Variants in UBR2 observed in about 807,000 individuals in gnomAD.
The protein encoded by UBR2 is E3 ubiquitin-protein ligase UBR2.
UBR2 carries 92 observed loss-of-function variants against 247.9 expected under a neutral mutation model. The observed-to-expected ratio is 0.37, with a 90% CI of 0.31 to 0.44. The LOEUF (loss-of-function observed/expected upper bound fraction) is 0.44, where lower values mean the gene tolerates loss of function less well. Among genes scored for constraint, UBR2 ranks in the 20% least tolerant of loss-of-function variants. UBR2 has a pLI of 1.00. For missense variants in UBR2, 1,613 were observed against 2,112.6 expected (o/e 0.76, Z 4.64); for synonymous variants, 672 against 693.5 (o/e 0.97, Z 0.49).
intron 43 of UBR2, among the ~76,000 whole-genome samples, chr6:42,684,196 C>T (rs2151994144): frequency 1.3e-5 from 2 of 152,312 alleles, no homozygotes; most frequent in South Asian, 4.1e-4. Context: ...ACTCAGGCCA[C>T]TACCTACTGA....
At position 42,659,555 on chromosome 6, in the gene UBR2, A is replaced by ACT. The variant is rs1797675343; in HGVS notation, c.3243-100_3243-99insTC. ...CACACACACACACACACACACACAC[A>ACT]CACACACTACACACACACACACATA... On this transcript the variant is annotated intron_variant, in intron 29 of 46. Transcript: ENST00000372901. This position sits in a 1 kb window ranked among gnomAD's most constrained non-coding sequence, Gnocchi z 4.3. 1.2e-6 allele frequency: 1 copy of ACT among 803,656 alleles called. No homozygotes were observed. Among genetic ancestry groups the ACT allele is most frequent in the East Asian group, 2.7e-5 (1 of 36,710 alleles). The allele number at this position is 803,656 out of a possible 1,614,324, so 49.8% of individuals were successfully genotyped here.
chr6:42,570,984 C>T (rs1335747483), intron 1 of UBR2, among the ~76,000 whole-genome samples: 2 of 151,338 alleles, frequency 1.3e-5, no homozygotes, highest in East Asian at 1.9e-4. Context: ...AGAGCCTGGC[C>T]GATTTTTTTT....
At chr6:42,615,849 A>G (rs1448371551) in intron 9 of UBR2, among the ~76,000 whole-genome samples, 153 bp from the exon 10 acceptor site, 2 of 151,758 alleles carry the variant, frequency 1.3e-5, no homozygotes, top group East Asian at 1.9e-4. Context: ...GCGTGAGCCC[A>G]GGAGTTAAGA....
intron 1 of UBR2, among the ~76,000 whole-genome samples, chr6:42,566,334 C>CT (rs1790775832): frequency 6.6e-6 from 1 of 152,132 alleles, no homozygotes; most frequent in South Asian, 2.1e-4. Context: ...TTAATTTGGA[C>CT]TTCATTTGAG....
Position 42,683,078 on chromosome 6 carries a change from A to G in UBR2, c.4742A>G (p.Lys1581Arg), listed in dbSNP as rs763629106. ...AGTTGGTGCCGTAACAGTGAAGTTA[A>G]AAGATATCTAGAAGGTGAAAGAGAT... ...IESWCRNSEV[K>R]RYLEGERDAI... The change falls in exon 43 of 47, where the codon AAA (lysine) becomes AGA (arginine). Residue 1581 changes from lysine (K) to arginine (R), a missense_variant. This residue lies in a region of UBR2 where 1,524 missense variants were observed against 1,967.3 expected (regional missense o/e 0.77). Coordinates refer to ENST00000372901, the MANE Select transcript of UBR2 (RefSeq NM_001363705.2). 1 of 1,612,858 alleles carries G rather than the reference A, an allele frequency of 6.2e-7. No homozygotes were observed. The highest frequency in any genetic ancestry group is 1.1e-5 in the South Asian group (1 of 90,942).
chr6:42,575,123 A>T (rs932154047), intron 2 of UBR2, among the ~76,000 whole-genome samples: 3 of 152,216 alleles, frequency 2.0e-5, no homozygotes, highest in African/African-American at 7.2e-5. Flanking sequence ...ATTTAACCAT[A>T]GCTTAACATC....
chr6:42,673,838 A>G lies in UBR2; in HGVS notation c.4134A>G (p.Thr1378=), dbSNP rs759467267. 21 of 1,614,036 alleles carry G rather than the reference A, an allele frequency of 1.3e-5. No individual in the cohort carries two copies. The highest frequency in any genetic ancestry group is 1.8e-5 in the Non-Finnish European group (21 of 1,180,012). Residue 1378 remains threonine (T), a synonymous_variant, in exon 37 of 47, where the codon ACA becomes ACG. Transcript: ENST00000372901. ...CGAGATTTGCCGCAGCACACTGGAC[A>G]GTGGCATCAGTTTCAGTGGTGCAAG... The part of the protein sequence containing the change: ...SLTRFAAAHW[T]VASVSVVQGH...
intron 25 of UBR2, among the ~76,000 whole-genome samples, chr6:42,653,606 C>CTTTT (rs72460060): frequency 9.9e-5 from 5 of 50,616 alleles, no homozygotes; most frequent in African/African-American, 2.7e-4. Context: ...ATGCTAAGCC[C>CTTTT]TTTTTTTTTT....
intron 42 of UBR2, among the ~76,000 whole-genome samples, chr6:42,682,527 C>A (rs1799118129): frequency 6.6e-6 from 1 of 152,046 alleles, no homozygotes; most frequent in South Asian, 2.1e-4. Context: ...TCAAGCACTC[C>A]TCCTGCCTCA....
At position 42,665,425 on chromosome 6, in the gene UBR2, G is replaced by T; in HGVS notation, c.3715G>T (p.Asp1239Tyr). Residue 1239 changes from aspartate (D) to tyrosine (Y), a missense_variant, in exon 33 of 47, where the codon GAC (aspartate) becomes TAC (tyrosine). Physicochemically the swap from Asp to Tyr is radical, Grantham distance 160 (BLOSUM62 -3). Coordinates refer to ENST00000372901, the MANE Select transcript of UBR2 (RefSeq NM_001363705.2). ...CTTTTCTAGCAGGTTAAATTTTTCA[G>T]ACCAACCAAATCTGACTCAGTGGAT... ...NIFNNRLNFS[D>Y]QPNLTQWIRT... The T allele has an allele frequency of 6.2e-7, 1 of 1,612,002 alleles. No individual in the cohort carries two copies. Among genetic ancestry groups the T allele is most frequent in the South Asian group, 1.1e-5 (1 of 90,662 alleles).
At chr6:42,686,431 G>T (rs1357156707) in intron 44 of UBR2, among the ~76,000 whole-genome samples, 5 of 151,674 alleles carry the variant, frequency 3.3e-5, no homozygotes, top group African/African-American at 4.8e-5. Context: ...CAAGGCAGAA[G>T]AATTTTTCTT....
At chr6:42,640,351 G>C (rs1774249264) in intron 16 of UBR2, 81 bp downstream of exon 16, 1 of 1,256,056 alleles carries the variant, frequency 8.0e-7, no homozygotes, top group Admixed American at 2.2e-5. Context: ...CACATTTTTA[G>C]TTTGGGTTCT....
intron 17 of UBR2, 123 bp downstream of exon 17, chr6:42,641,815 T>C (rs2151958537): frequency 1.5e-6 from 1 of 668,004 alleles, no homozygotes; most frequent in East Asian, 3.3e-5. Flanking sequence ...TTGAAAAGAT[T>C]AATGATAAAA....
rs1219290729 is a variant in UBR2 at position 42,619,441 on chromosome 6, A to ATTTT, written c.1281+1935_1281+1936insTTTT. On this transcript the variant is annotated intron_variant, in intron 11 of 46. Coordinates refer to ENST00000372901, the MANE Select transcript of UBR2 (RefSeq NM_001363705.2). The stretch of plus-strand genomic sequence containing the variant: ...TATATATATATATATATATATATAT[A>ATTTT]TATATATATATATTTTTTTTTTTTA... 125 of 26,638 alleles carry ATTTT rather than the reference A, an allele frequency of 4.7e-3. 10 individuals carry two copies. Among genetic ancestry groups the ATTTT allele is most frequent in the African/African-American group, 0.014 (113 of 8,160 alleles). The allele number at this position is 26,638 out of a possible 1,614,324, so 1.7% of individuals were successfully genotyped here.
chr6:42,632,456 A>T, intron 11 of UBR2, 96 bp from the exon 12 acceptor site: 2 of 1,136,342 alleles, frequency 1.8e-6, no homozygotes, highest in Non-Finnish European at 2.4e-6. Flanking sequence ...AAAAAGGTTT[A>T]AACTGAAGGA....
intron 1 of UBR2, among the ~76,000 whole-genome samples, chr6:42,569,427 A>T (rs886531334): frequency 6.6e-6 from 1 of 152,118 alleles, no homozygotes; most frequent in African/African-American, 2.4e-5. Flanking sequence ...ACATCTTTTT[A>T]TGAGCTTATT....
In UBR2 at chr6:42,658,766, G is replaced by C; in HGVS notation, c.3184G>C (p.Glu1062Gln). The change falls in exon 29 of 47, where the codon GAA (glutamate) becomes CAA (glutamine). Residue 1062 changes from glutamate to glutamine, a missense_variant. Transcript: ENST00000372901. ...MQRHFIDENK[E>Q]LFQQTLELDA... ...GCGGCATTTTATTGATGAAAACAAA[G>C]AACTCTTTCAGCAGACATTAGAACT... is the stretch of plus-strand genomic sequence containing the variant. The C allele has an allele frequency of 6.2e-7, 1 of 1,601,768 alleles. No individual in the cohort carries two copies. Among genetic ancestry groups the C allele is most frequent in the Non-Finnish European group, 8.5e-7 (1 of 1,176,468 alleles).
At chr6:42,636,768 A>T (rs1022821204) in intron 14 of UBR2, among the ~76,000 whole-genome samples, 2 of 152,068 alleles carry the variant, frequency 1.3e-5, no homozygotes, top group East Asian at 3.9e-4. Flanking sequence ...AATAGATTGG[A>T]CAATGGGGAA....
chr6:42,614,375 T>TATATAAGTATGTACGTACATACATAC (rs70990112), intron 8 of UBR2, among the ~76,000 whole-genome samples: 1 of 69,752 alleles, frequency 1.4e-5, no homozygotes, highest in Non-Finnish European at 3.0e-5. Flanking sequence ...TGTGTATGTG[T>TATATAAGTATGTACGTACATACATAC]GTATATATGT....
Sources: gnomAD v4.1 joint callset for allele counts (sites outside exome capture counted in the v4.1 genomes callset) on GRCh38, gnomAD v4.1.1 for gene constraint, gnomAD v4.1.1 regional missense constraint, Gnocchi (gnomAD v3.1) non-coding constraint, MANE v1.5 for transcripts, NCBI Gene and HGNC (gene_info 2026-07-23, HGNC 2026-07-21) for gene names.